Variants in CFAP54 observed in about 807,000 individuals in gnomAD.
CFAP54 encodes the protein cilia and flagella associated protein 54.
CFAP54 carries 290 observed loss-of-function variants against 370.4 expected under a neutral mutation model. The ratio of observed to expected loss-of-function variants is 0.78; its 90% CI spans 0.71 to 0.86. The LOEUF (loss-of-function observed/expected upper bound fraction) is 0.86, where lower values mean the gene tolerates loss of function less well. Ranked by LOEUF, CFAP54 falls within the 40% of genes least tolerant of loss-of-function variation. CFAP54 has a pLI of 0.00. For synonymous variants in CFAP54, 1,206 were observed against 1,236.5 expected, an observed-to-expected ratio of 0.98 and a Z score of 0.52; for missense variants, 3,399 against 3,528.7, an observed-to-expected ratio of 0.96 and a Z score of 0.93.
At chr12:96,814,113 G>A (rs1958953419) in intron 64 of CFAP54, among the ~76,000 whole-genome samples, 1 of 152,144 alleles carries the variant, frequency 6.6e-6, no homozygotes, top group Non-Finnish European at 1.5e-5. Context: ...TGAAGTTCTG[G>A]ACACTCATGT....
rs147583761 is a variant in CFAP54, at chr12:96,650,443, G to T, written c.4872+371G>T. On this transcript the variant is annotated intron_variant, in intron 35 of 67. Transcript: ENST00000524981. ...CTATGGGGACTTGATCTCTCTTGGG[G>T]GTACCATAGATCTCTCTTTTCTTTC... Among the ~76,000 whole-genome samples, 5 of 152,190 alleles carry T rather than the reference G, an allele frequency of 3.3e-5. No individual in the cohort carries two copies. In the East Asian group the frequency reaches 7.7e-4, roughly 24 times the overall value.
At chr12:96,723,822 TC>T (rs1177692778) in intron 50 of CFAP54, among the ~76,000 whole-genome samples, 1 of 84,680 alleles carries the variant, frequency 1.2e-5, no homozygotes, top group African/African-American at 4.8e-5. Context: ...ATGCTATCCC[TC>T]CCCCCTCCCC....
At chr12:96,493,421 A>C (rs1434490813) in intron 1 of CFAP54, among the ~76,000 whole-genome samples, 1 of 152,262 alleles carries the variant, frequency 6.6e-6, no homozygotes. Flanking sequence ...ACAGCAGTGA[A>C]CCAGACAAAA....
intron 43 of CFAP54, among the ~76,000 whole-genome samples, chr12:96,690,347 T>C (rs1957375823): frequency 6.6e-6 from 1 of 152,230 alleles, no homozygotes; most frequent in Non-Finnish European, 1.5e-5. Flanking sequence ...TTCTTTCTGA[T>C]ATATACATTA....
chr12:96,648,806 T>C (rs1592906894), intron 34 of CFAP54, among the ~76,000 whole-genome samples: 1 of 152,000 alleles, frequency 6.6e-6, no homozygotes. Context: ...GCCAGGCTGG[T>C]CTCCAACTCC....
chr12:96,789,641 C>A (rs572851092), intron 62 of CFAP54, among the ~76,000 whole-genome samples: 1 of 152,308 alleles, frequency 6.6e-6, no homozygotes, highest in Admixed American at 6.5e-5. Context: ...CCTATCATTA[C>A]CCATTTCCTA....
intron 66 of CFAP54, among the ~76,000 whole-genome samples, chr12:96,854,965 G>A (rs116354260): frequency 0.015 from 2,324 of 152,212 alleles, 69 homozygotes; most frequent in African/African-American, 0.053. Context: ...ATTTGTAAAG[G>A]AAAGAGGTTT....
intron 40 of CFAP54, 108 bp downstream of exon 40, chr12:96,679,860 C>T: frequency 1.9e-6 from 2 of 1,052,244 alleles, no homozygotes; most frequent in South Asian, 1.6e-5. Context: ...ACATGCAACA[C>T]TCCCTGATGC....
intron 40 of CFAP54, among the ~76,000 whole-genome samples, chr12:96,680,102 A>G (rs1957254042): frequency 6.6e-6 from 1 of 152,220 alleles, no homozygotes; most frequent in Admixed American, 6.5e-5. Context: ...GGATTGAATC[A>G]CACTGAGTTA....
At chr12:96,547,561 T>TA (rs1445576362) in intron 14 of CFAP54, among the ~76,000 whole-genome samples, 2 of 152,064 alleles carry the variant, frequency 1.3e-5, no homozygotes, top group African/African-American at 4.8e-5. Context: ...TTTGGTTTGT[T>TA]ACGTTACAAG....
intron 9 of CFAP54, among the ~76,000 whole-genome samples, chr12:96,529,654 T>C (rs2136376938): frequency 6.6e-6 from 1 of 152,330 alleles, no homozygotes; most frequent in South Asian, 2.1e-4. Flanking sequence ...TATCCTATTT[T>C]GTGAGGTGCC....
intron 22 of CFAP54, 150 bp from the exon 23 acceptor site, chr12:96,589,277 C>T (rs967203502): frequency 1.4e-5 from 9 of 659,314 alleles, no homozygotes; most frequent in Admixed American, 8.9e-5. Context: ...CACTATAGAA[C>T]AGAACAGCAA....
Position 96,540,996 on chromosome 12 carries a change from T to C in CFAP54, c.2077+9T>C. On this transcript the variant is annotated intron_variant, in intron 14 of 67. Coordinates refer to ENST00000524981, the MANE Select transcript of CFAP54 (RefSeq NM_001306084.2). ...ATTTAAACAATCTCTAGGTAAAATGTTGGCTGAAAAATTGTATACATATAT... is the reference window on the plus strand; with the variant it reads ...ATTTAAACAATCTCTAGGTAAAATGCTGGCTGAAAAATTGTATACATATAT... The C allele has an allele frequency of 6.7e-7, 1 of 1,481,668 alleles. No homozygotes were observed. Among genetic ancestry groups the C allele is most frequent in the Non-Finnish European group, 8.9e-7 (1 of 1,125,028 alleles). The allele number at this position is 1,481,668 out of a possible 1,614,324, so 91.8% of individuals were successfully genotyped here.
At chr12:96,752,820 A>G (rs1297304848) in intron 55 of CFAP54, among the ~76,000 whole-genome samples, 1 of 152,190 alleles carries the variant, frequency 6.6e-6, no homozygotes, top group Admixed American at 6.5e-5. Context: ...GAGATAGTGC[A>G]ATGTTGTAGT....
chr12:96,679,804 C>A (rs2136547471), intron 40 of CFAP54, 52 bp downstream of exon 40: 3 of 1,559,430 alleles, frequency 1.9e-6, no homozygotes, highest in Non-Finnish European at 2.6e-6. Flanking sequence ...GGGTGACCAC[C>A]CTGCAGATGT....
At chr12:96,592,839 A>G (rs1956140365) in intron 24 of CFAP54, among the ~76,000 whole-genome samples, 1 of 152,112 alleles carries the variant, frequency 6.6e-6, no homozygotes, top group Admixed American at 6.5e-5. Context: ...TTTTCAATTT[A>G]TCTCTTTTCC....
At chr12:96,847,207 G>A (rs1014263819) in intron 66 of CFAP54, among the ~76,000 whole-genome samples, 2 of 152,174 alleles carry the variant, frequency 1.3e-5, no homozygotes, top group Admixed American at 1.3e-4. Context: ...GCACAGGGAA[G>A]GGGCAAGAAG....
chr12:96,617,767 G>A (rs536113890), intron 26 of CFAP54, among the ~76,000 whole-genome samples: 2 of 152,266 alleles, frequency 1.3e-5, no homozygotes, highest in East Asian at 3.9e-4. Flanking sequence ...AAGCTGGGCT[G>A]ATCACGAGGT....
chr12:96,715,716 C>T (rs146651311), intron 48 of CFAP54, among the ~76,000 whole-genome samples: 12 of 152,258 alleles, frequency 7.9e-5, no homozygotes, highest in African/African-American at 2.9e-4. Flanking sequence ...AACAAGAAAA[C>T]TATGATAACA....
Sources: allele counts gnomAD v4.1 joint callset (sites outside exome capture counted in the v4.1 genomes callset), GRCh38; gene constraint gnomAD v4.1.1; transcripts MANE v1.5; gene names NCBI Gene and HGNC (gene_info 2026-07-23, HGNC 2026-07-21).